The following ADGRL3 variants were observed in gnomAD, a reference collection of about 807,000 sequenced individuals.
ADGRL3 encodes the protein calcium-independent alpha-latrotoxin receptor 3.
Under a neutral mutation model 153.5 loss-of-function variants are expected in ADGRL3, and 62 were observed. That is an observed-to-expected ratio of 0.40 (90% CI 0.33 to 0.50). The LOEUF (loss-of-function observed/expected upper bound fraction) is 0.50. ADGRL3 is among the 20% of genes least tolerant of loss of function. The pLI is 0.47. For missense variants in ADGRL3, 1,641 were observed against 1,859.4 expected (o/e 0.88, Z 2.16); for synonymous variants, 710 against 672.5 (o/e 1.06, Z -0.86).
At chr4:61,637,248 A>G (rs2093463748) in intron 5 of ADGRL3, among the ~76,000 whole-genome samples, 1 of 152,152 alleles carries the variant, frequency 6.6e-6, no homozygotes, top group Non-Finnish European at 1.5e-5. Context: ...TGTCCTTTTA[A>G]TAAATAGGGG....
intron 1 of ADGRL3, among the ~76,000 whole-genome samples, chr4:61,267,684 C>T (rs1263074715): frequency 1.3e-5 from 2 of 151,572 alleles, no homozygotes; most frequent in Admixed American, 6.6e-5. Context: ...TTTCTCTTTT[C>T]CCGCCTCTCT....
chr4:61,497,733 C>T (rs914713320), intron 3 of ADGRL3, among the ~76,000 whole-genome samples: 2 of 149,868 alleles, frequency 1.3e-5, no homozygotes, highest in African/African-American at 4.9e-5. Flanking sequence ...ACAGTGTTAG[C>T]CAGGATGGTC....
At chr4:61,915,892 T>A (rs1269379830) in intron 13 of ADGRL3, among the ~76,000 whole-genome samples, 3 of 152,142 alleles carry the variant, frequency 2.0e-5, no homozygotes, top group Non-Finnish European at 2.9e-5. Context: ...ATAAGATGAT[T>A]TCTAAGTCAT....
chr4:61,498,467 G>A (rs1009026642), intron 3 of ADGRL3, among the ~76,000 whole-genome samples: 4 of 151,950 alleles, frequency 2.6e-5, no homozygotes, highest in South Asian at 2.1e-4. Flanking sequence ...GGAGAATGGC[G>A]TAAACCCGGG....
chr4:62,044,375 CAGAAA>C (rs1250627959), intron 24 of ADGRL3, 73 bp from the exon 25 acceptor site: 10 of 967,110 alleles, frequency 1.0e-5, no homozygotes, highest in African/African-American at 4.9e-5. Context: ...ATAATTATGA[CAGAAA>C]AGAAAAGAAT....
intron 4 of ADGRL3, among the ~76,000 whole-genome samples, chr4:61,527,885 C>G (rs1382421340): frequency 1.3e-5 from 2 of 152,134 alleles, no homozygotes; most frequent in African/African-American, 4.8e-5. Flanking sequence ...TTAACAGCAT[C>G]ATATCATACA....
At chr4:61,833,357 A>T (rs2097895525) in intron 9 of ADGRL3, among the ~76,000 whole-genome samples, 1 of 152,160 alleles carries the variant, frequency 6.6e-6, no homozygotes, top group African/African-American at 2.4e-5. Context: ...GAATTGCAAT[A>T]GAGAAAGAGT....
At chr4:61,499,955 C>T (rs1029621234) in intron 3 of ADGRL3, among the ~76,000 whole-genome samples, 30 of 149,522 alleles carry the variant, frequency 2.0e-4, no homozygotes, top group Admixed American at 3.4e-4. Context: ...GGTTTGGGAA[C>T]TGATAGTCTG....
At chr4:61,666,350 T>G (rs763342046) in intron 5 of ADGRL3, among the ~76,000 whole-genome samples, 1 of 152,096 alleles carries the variant, frequency 6.6e-6, no homozygotes, top group Non-Finnish European at 1.5e-5. Context: ...TGTTTCTCCT[T>G]TTTTCAAACA....
rs549701078 is a variant in ADGRL3, at chr4:61,698,376, C to T, written c.583+21441C>T. On this transcript the variant is annotated intron_variant, in intron 6 of 26. Transcript: ENST00000683033. ...CTGAGGCAGGAGAATGGCGTGAACC[C>T]GGGAGGCAGAGCTTGCAGTGAGCCG... is the stretch of plus-strand genomic sequence containing the variant. Among the ~76,000 whole-genome samples, 601 of 152,026 alleles carry T rather than the reference C, an allele frequency of 4.0e-3. 1 individual carries two copies. The highest frequency in any genetic ancestry group is 6.1e-3 in the Non-Finnish European group (416 of 67,974).
At chr4:61,682,630 T>C (rs1369330919) in intron 6 of ADGRL3, among the ~76,000 whole-genome samples, 1 of 150,934 alleles carries the variant, frequency 6.6e-6, no homozygotes, top group Non-Finnish European at 1.5e-5. Context: ...CAAAGCAATC[T>C]TTCTGTCTTA....
chr4:61,205,987 T>A (rs1736977642), intron 1 of ADGRL3, among the ~76,000 whole-genome samples: 1 of 152,228 alleles, frequency 6.6e-6, no homozygotes, highest in Non-Finnish European at 1.5e-5. Flanking sequence ...AATTGTGACA[T>A]GTGCTTATGG....
At chr4:61,294,911 A>T (rs868076090) in intron 1 of ADGRL3, among the ~76,000 whole-genome samples, 10 of 139,478 alleles carry the variant, frequency 7.2e-5, no homozygotes, top group Non-Finnish European at 1.3e-4. Flanking sequence ...ACTCACACAC[A>T]CACACACACA....
intron 5 of ADGRL3, among the ~76,000 whole-genome samples, chr4:61,612,856 C>T (rs1215657317): frequency 6.6e-6 from 1 of 152,086 alleles, no homozygotes; most frequent in Non-Finnish European, 1.5e-5. Flanking sequence ...ATTGGCAGTT[C>T]CACATTAGGT....
intron 17 of ADGRL3, among the ~76,000 whole-genome samples, chr4:61,958,608 C>T (rs564293424): frequency 6.7e-4 from 102 of 152,172 alleles, no homozygotes; most frequent in African/African-American, 2.3e-3. Context: ...GAAGCAGGCA[C>T]TTTCTTCACA....
At position 61,439,360 on chromosome 4, in the gene ADGRL3, T is replaced by G. The variant is rs375668799; in HGVS notation, c.-174+56171T>G. The stretch of plus-strand genomic sequence containing the variant: ...CTCAGCTTATTCTTCCATCAAGATA[T>G]GGTTTCAAGTAATGTTTGAAAGTGA... On this transcript the variant is annotated intron_variant, in intron 2 of 26. Transcript: ENST00000683033. Among the ~76,000 whole-genome samples the G allele has an allele frequency of 5.3e-5, 8 of 152,328 alleles. No homozygotes were observed. In the East Asian group the frequency reaches 5.8e-4, roughly 11 times the overall value.
intron 8 of ADGRL3, among the ~76,000 whole-genome samples, chr4:61,797,049 G>A (rs965453538): frequency 7.9e-5 from 12 of 151,984 alleles, no homozygotes; most frequent in Non-Finnish European, 1.5e-4. Context: ...TGCTTCTCAG[G>A]CATAGCACCC....
At position 61,733,199 on chromosome 4, in the gene ADGRL3, A is replaced by G. The variant is rs1338487511; in HGVS notation, c.1044A>G (p.Gln348=). ...NGLWVIYATE[Q]NNGKIVISQL... The stretch of plus-strand genomic sequence containing the variant: ...TATGGGTAATCTATGCAACAGAACA[A>G]AACAATGGTAAAATTGTCATTAGTC... Residue 348 remains glutamine (Q), a synonymous_variant, in exon 8 of 27, where the codon CAA becomes CAG. Transcript: ENST00000683033. The G allele has an allele frequency of 5.0e-6, 8 of 1,613,444 alleles. No individual in the cohort carries two copies. The highest frequency in any genetic ancestry group is 6.8e-6 in the Non-Finnish European group (8 of 1,179,756).
intron 1 of ADGRL3, among the ~76,000 whole-genome samples, chr4:61,359,397 G>C (rs1182330872): frequency 6.6e-6 from 1 of 152,120 alleles, no homozygotes; most frequent in Non-Finnish European, 1.5e-5. Context: ...ACTTCTACCA[G>C]AATTAGGATT....
Sources: allele counts gnomAD v4.1 joint callset (sites outside exome capture counted in the v4.1 genomes callset), GRCh38; gene constraint gnomAD v4.1.1; transcripts MANE v1.5; gene names NCBI Gene and HGNC (gene_info 2026-07-23, HGNC 2026-07-21).